Variants in CNTN5 observed in about 807,000 individuals in gnomAD.
CNTN5 encodes contactin 5, also known as contactin-5.
In CNTN5, 77 loss-of-function variants were observed where a neutral mutation model predicts 129.1. The observed-to-expected ratio is 0.60, with a 90% CI of 0.50 to 0.72. The LOEUF (loss-of-function observed/expected upper bound fraction) is 0.72, where lower values mean the gene tolerates loss of function less well. CNTN5 is among the 30% of genes least tolerant of loss of function. CNTN5 has a pLI of 0.00. For missense variants in CNTN5, 1,478 were observed against 1,328.8 expected (o/e 1.11, Z -1.75); for synonymous variants, 509 against 465.6 (o/e 1.09, Z -1.20).
chr11:99,461,669 T>C (rs1054772912), intron 2 of CNTN5, among the ~76,000 whole-genome samples: 1 of 148,532 alleles, frequency 6.7e-6, no homozygotes, highest in African/African-American at 2.6e-5. Flanking sequence ...AGTTGTATTC[T>C]AGTATTCTAA....
At chr11:99,303,475 T>C (rs565137166) in intron 1 of CNTN5, among the ~76,000 whole-genome samples, 2 of 151,234 alleles carry the variant, frequency 1.3e-5, no homozygotes, top group East Asian at 3.9e-4. Flanking sequence ...AATGATTACA[T>C]GGCAGCATAA....
chr11:99,316,561 T>A (rs1464418653), intron 1 of CNTN5, among the ~76,000 whole-genome samples: 2 of 152,082 alleles, frequency 1.3e-5, no homozygotes, highest in Non-Finnish European at 2.9e-5. Context: ...AGTTTTCAGG[T>A]GTATTTTATT....
intron 7 of CNTN5, among the ~76,000 whole-genome samples, chr11:99,947,952 T>A (rs1254862760): frequency 2.6e-5 from 4 of 152,220 alleles, no homozygotes; most frequent in Non-Finnish European, 5.9e-5. Context: ...TAAGTTAAAA[T>A]TTAATTATTC....
intron 3 of CNTN5, among the ~76,000 whole-genome samples, chr11:99,631,842 G>A (rs555349220): frequency 9.2e-5 from 14 of 152,156 alleles, no homozygotes; most frequent in African/African-American, 2.9e-4. Flanking sequence ...GTTACCTGTG[G>A]TTACTTGTGG....
intron 3 of CNTN5, among the ~76,000 whole-genome samples, chr11:99,762,581 T>A (rs920075018): frequency 6.6e-6 from 1 of 152,032 alleles, no homozygotes; most frequent in Non-Finnish European, 1.5e-5. Flanking sequence ...GTTGTAGATA[T>A]GCGGCGTTAT....
intron 3 of CNTN5, among the ~76,000 whole-genome samples, chr11:99,810,167 C>T (rs867668910): frequency 3.9e-5 from 6 of 152,078 alleles, no homozygotes; most frequent in Admixed American, 1.3e-4. Context: ...GTCTATAATA[C>T]CCAGTTTAAT....
intron 6 of CNTN5, among the ~76,000 whole-genome samples, chr11:99,910,007 G>A (rs1344779523): frequency 6.6e-6 from 1 of 151,998 alleles, no homozygotes; most frequent in African/African-American, 2.4e-5. Flanking sequence ...GGTGTAATAG[G>A]AAAGTATTTA....
chr11:99,193,947 T>C (rs1858774372), intron 1 of CNTN5, among the ~76,000 whole-genome samples: 2 of 151,612 alleles, frequency 1.3e-5, no homozygotes, highest in Non-Finnish European at 2.9e-5. Flanking sequence ...CTCAAGAAAA[T>C]GTTTTAAATG....
chr11:100,073,739 C>T (rs930497199), intron 12 of CNTN5, among the ~76,000 whole-genome samples: 4 of 151,852 alleles, frequency 2.6e-5, no homozygotes, highest in Admixed American at 6.6e-5. Context: ...AATTAAGATT[C>T]GTAGATGGGA....
intron 1 of CNTN5, among the ~76,000 whole-genome samples, chr11:99,037,365 A>G (rs942449278): frequency 6.6e-6 from 1 of 152,120 alleles, no homozygotes; most frequent in Non-Finnish European, 1.5e-5. Context: ...AATACATTTC[A>G]GATTTGGCAG....
At chr11:99,125,595 T>A (rs989546783) in intron 1 of CNTN5, among the ~76,000 whole-genome samples, 3 of 152,114 alleles carry the variant, frequency 2.0e-5, no homozygotes, top group Non-Finnish European at 4.4e-5. Flanking sequence ...GTGTTGTAAG[T>A]CCTGGCTAGA....
intron 3 of CNTN5, among the ~76,000 whole-genome samples, chr11:99,577,527 T>A (rs1949395774): frequency 6.6e-6 from 1 of 152,198 alleles, no homozygotes; most frequent in South Asian, 2.1e-4. Flanking sequence ...CTGTAACTTA[T>A]GCTAATATTG....
At chr11:99,039,506 A>C (rs900748974) in intron 1 of CNTN5, among the ~76,000 whole-genome samples, 1 of 152,152 alleles carries the variant, frequency 6.6e-6, no homozygotes, top group Admixed American at 6.5e-5. Context: ...AATAGAAAAC[A>C]CTAAAAGTAA....
intron 2 of CNTN5, among the ~76,000 whole-genome samples, chr11:99,474,514 G>A (rs1328642584): frequency 6.6e-6 from 1 of 151,766 alleles, no homozygotes; most frequent in Non-Finnish European, 1.5e-5. Flanking sequence ...AATAAAAAAA[G>A]CCCATTTCGT....
intron 3 of CNTN5, among the ~76,000 whole-genome samples, chr11:99,792,831 CT>C (rs887445909): frequency 6.6e-6 from 1 of 152,106 alleles, no homozygotes; most frequent in Non-Finnish European, 1.5e-5. Context: ...CAGGGATTCA[CT>C]GTCTTCCTGA....
At chr11:99,666,788 G>C (rs1952808901) in intron 3 of CNTN5, among the ~76,000 whole-genome samples, 1 of 152,034 alleles carries the variant, frequency 6.6e-6, no homozygotes, top group Non-Finnish European at 1.5e-5. Flanking sequence ...TCCTATCTTA[G>C]CCTCAGCTCC....
intron 21 of CNTN5, among the ~76,000 whole-genome samples, chr11:100,326,869 G>C (rs1951799083): frequency 6.6e-6 from 1 of 152,190 alleles, no homozygotes; most frequent in Admixed American, 6.5e-5. Context: ...ACTGTGAAAA[G>C]AGCTTTCAGT....
intron 13 of CNTN5, among the ~76,000 whole-genome samples, chr11:100,101,507 C>A (rs1383371965): frequency 6.6e-6 from 1 of 152,124 alleles, no homozygotes; most frequent in African/African-American, 2.4e-5. Flanking sequence ...TAGATTCCAT[C>A]ATCTTTCCTC....
At chr11:99,626,220 A>G (rs1056582377) in intron 3 of CNTN5, among the ~76,000 whole-genome samples, 2 of 152,092 alleles carry the variant, frequency 1.3e-5, no homozygotes, top group African/African-American at 4.8e-5. Context: ...AGCCTGATGG[A>G]AACATAGATT....
Sources: allele counts gnomAD v4.1 joint callset (sites outside exome capture counted in the v4.1 genomes callset), GRCh38; gene constraint gnomAD v4.1.1; transcripts MANE v1.5; gene names NCBI Gene and HGNC (gene_info 2026-07-23, HGNC 2026-07-21).